Variants in BDKRB2 observed in about 807,000 individuals in gnomAD.
BDKRB2 encodes B2 bradykinin receptor.
Under a neutral mutation model 4.0 loss-of-function variants are expected in BDKRB2, and 6 were observed. That is an observed-to-expected ratio of 1.49 (90% CI 0.81 to 2.93). The LOEUF (loss-of-function observed/expected upper bound fraction) is 2.93. Among genes scored for constraint, BDKRB2 ranks in the 30% most tolerant of loss-of-function variants. The pLI is 0.00. For synonymous variants in BDKRB2, 225 were observed against 215.3 expected (o/e 1.05, Z -0.40); for missense variants, 478 against 520.1 (o/e 0.92, Z 0.79).
In BDKRB2 at chr14:96,204,944, G is replaced by A; in HGVS notation, c.-55G>A. The A allele has an allele frequency of 4.0e-6, 1 of 252,408 alleles. No individual in the cohort carries two copies. The highest frequency in any genetic ancestry group is 8.3e-6 in the Non-Finnish European group (1 of 120,412). The allele number at this position is 252,408 out of a possible 1,614,324, so 15.6% of individuals were successfully genotyped here. On this transcript the variant is annotated 5_prime_UTR_variant, in exon 1 of 3. Coordinates refer to ENST00000554311, the MANE Select transcript of BDKRB2 (RefSeq NM_001379692.1). The stretch of plus-strand genomic sequence containing the variant: ...AGGGAGCGACTGAAGTGCCCATGCC[G>A]CTTGCTCCGGAGAAGGTGGGTGCCG...
chr14:96,242,893 G>T lies in BDKRB2; in HGVS notation c.*1389G>T, dbSNP rs3809418. 1 of 152,348 alleles carries T rather than the reference G, an allele frequency of 6.6e-6. No homozygotes were observed. Among genetic ancestry groups the T allele is most frequent in the African/African-American group, 2.4e-5 (1 of 41,454 alleles). 9.4% of individuals were successfully genotyped at this position (152,348 alleles called of 1,614,324 possible). A position where few individuals can be genotyped will look rare whatever the true frequency, so the allele number is the denominator to read the frequency against. On this transcript the variant is annotated 3_prime_UTR_variant, in exon 3 of 3. Transcript: ENST00000554311. ...CCCTAGAAGAGTGTGAAAAGGAATG[G>T]CAATGGTGTTCACCATCGGCAGTGC...
At position 96,216,678 on chromosome 14, in the gene BDKRB2, A is replaced by AAGG. The variant is rs1163536778; in HGVS notation, c.-40+11733_-40+11735dup. Among the ~76,000 whole-genome samples the AAGG allele has an allele frequency of 2.2e-5, 3 of 136,798 alleles. No homozygotes were observed. The Admixed American group carries it at 2.3e-4, about 10-fold the overall frequency. 89.7% of individuals were successfully genotyped at this position (136,798 alleles called of 152,430 possible). ...AAAGAAGGAGGAGAAGAGGAAGAAG[A>AAGG]AGGAGGAGGAGGAGGAAGGAGGAGG... On this transcript the variant is annotated intron_variant, in intron 1 of 2. Coordinates refer to ENST00000554311, the MANE Select transcript of BDKRB2 (RefSeq NM_001379692.1).
chr14:96,222,278 C>T (rs1308178675), intron 1 of BDKRB2, among the ~76,000 whole-genome samples: 3 of 152,102 alleles, frequency 2.0e-5, no homozygotes, highest in Non-Finnish European at 2.9e-5. Context: ...CACTTCCCTG[C>T]GTTCACCAAC....
intron 1 of BDKRB2, chr14:96,233,522 G>A (rs1890867784): frequency 6.6e-6 from 1 of 152,214 alleles, no homozygotes; most frequent in Non-Finnish European, 1.5e-5. Context: ...CTGCTTCAGG[G>A]AACAATCACA....
intron 2 of BDKRB2, 128 bp from the exon 3 acceptor site, chr14:96,240,275 G>A: frequency 1.5e-6 from 2 of 1,340,822 alleles, no homozygotes; most frequent in Non-Finnish European, 1.9e-6. Context: ...GCAGAAAACA[G>A]CCTGAGCTCC....
chr14:96,204,904 C>G lies in BDKRB2; in HGVS notation c.-95C>G. On this transcript the variant is annotated 5_prime_UTR_variant, in exon 1 of 3. Transcript: ENST00000554311. ...CGGTGGGGACGGTGGGGACATCAGG[C>G]TGCCCCGCAGTACCAGGGAGCGACT... is the stretch of plus-strand genomic sequence containing the variant. 1 of 321,926 alleles carries G rather than the reference C, an allele frequency of 3.1e-6. No homozygotes were observed. The highest frequency in any genetic ancestry group is 6.3e-6 in the Non-Finnish European group (1 of 159,642). 19.9% of individuals were successfully genotyped at this position (321,926 alleles called of 1,614,324 possible). A position where few individuals can be genotyped will look rare whatever the true frequency, so the allele number is the denominator to read the frequency against.
chr14:96,232,834 C>T (rs1409776553), intron 1 of BDKRB2, among the ~76,000 whole-genome samples: 1 of 152,148 alleles, frequency 6.6e-6, no homozygotes, highest in African/African-American at 2.4e-5. Flanking sequence ...CCAGCTCTAA[C>T]GTGCAGTCAG....
At chr14:96,207,201 C>T (rs1257260684) in intron 1 of BDKRB2, among the ~76,000 whole-genome samples, 1 of 152,166 alleles carries the variant, frequency 6.6e-6, no homozygotes, top group African/African-American at 2.4e-5. Context: ...AAGCTGCCTC[C>T]TCTGCACTGA....
chr14:96,213,523 C>CACACACACACGTGT (rs1890351248), intron 1 of BDKRB2, among the ~76,000 whole-genome samples: 1 of 118,138 alleles, frequency 8.5e-6, no homozygotes, highest in Non-Finnish European at 2.1e-5. Context: ...CACACACACA[C>CACACACACACGTGT]ACACACACAC....
At chr14:96,239,698 G>T (rs1044347649) in intron 2 of BDKRB2, 1 of 931,910 alleles carries the variant, frequency 1.1e-6, no homozygotes, top group African/African-American at 1.8e-5. Context: ...TTTTACAGGT[G>T]AGGTCATTGT....
At position 96,242,055 on chromosome 14, in the gene BDKRB2, C is replaced by G. The variant is rs930860415; in HGVS notation, c.*551C>G. On this transcript the variant is annotated 3_prime_UTR_variant, in exon 3 of 3. Coordinates refer to ENST00000554311, the MANE Select transcript of BDKRB2 (RefSeq NM_001379692.1). ...GACCAGGATTTTATGGCTCCCCTCA[C>G]TGATGGACAAGGAGGTCTGTGCCAA... is the stretch of plus-strand genomic sequence containing the variant. The G allele has an allele frequency of 6.5e-6, 1 of 153,040 alleles. No homozygotes were observed. Among genetic ancestry groups the G allele is most frequent in the African/African-American group, 2.4e-5 (1 of 41,478 alleles). 9.5% of individuals were successfully genotyped at this position (153,040 alleles called of 1,614,324 possible).
intron 1 of BDKRB2, among the ~76,000 whole-genome samples, chr14:96,220,138 G>T (rs1025453286): frequency 6.6e-6 from 1 of 151,974 alleles, no homozygotes; most frequent in African/African-American, 2.4e-5. Context: ...CCAGGGAAGC[G>T]CACCCTTGTC....
At chr14:96,237,896 A>T (rs1890975458) in intron 2 of BDKRB2, 1 of 1,277,612 alleles carries the variant, frequency 7.8e-7, no homozygotes, top group Non-Finnish European at 1.0e-6. Context: ...ATTAATAAGC[A>T]GCATCTGGTG....
rs145325976 is a variant in BDKRB2 at position 96,228,643 on chromosome 14, A to G, written c.-39-8426A>G. 3.6e-3 allele frequency among the ~76,000 whole-genome samples: 547 copies of G among 152,280 alleles called. 4 individuals are homozygous for G. The highest frequency in any genetic ancestry group is 0.011 in the African/African-American group (470 of 41,548). The stretch of plus-strand genomic sequence containing the variant: ...TTTTTATGGGTATAGGATGGGGGGC[A>G]TGGTGGGCCAGGGTGGTTTTGGCAA... On this transcript the variant is annotated intron_variant, in intron 1 of 2. Transcript: ENST00000554311.
intron 2 of BDKRB2, chr14:96,239,672 G>GT (rs1286762901): frequency 4.2e-6 from 4 of 947,150 alleles, no homozygotes; most frequent in Non-Finnish European, 5.0e-6. Context: ...CTGAGAGGTA[G>GT]TTTTTTTAAC....
chr14:96,216,702 G>C (rs1313623415), intron 1 of BDKRB2, among the ~76,000 whole-genome samples: 1 of 125,454 alleles, frequency 8.0e-6, no homozygotes, highest in Admixed American at 9.1e-5. Context: ...GGAAGGAGGA[G>C]GAAGGAGGAG....
At chr14:96,211,602 A>G (rs1052101143) in intron 1 of BDKRB2, among the ~76,000 whole-genome samples, 2 of 152,110 alleles carry the variant, frequency 1.3e-5, no homozygotes, top group African/African-American at 4.8e-5. Flanking sequence ...CCTCAAATGA[A>G]CTGTAGCACA....
chr14:96,243,333 G>T lies in BDKRB2; in HGVS notation c.*1829G>T, dbSNP rs200997007. 3.5e-5 allele frequency: 5 copies of T among 144,886 alleles called. No homozygotes were observed. The highest frequency in any genetic ancestry group is 1.3e-4 in the African/African-American group (5 of 38,348). 9.0% of individuals were successfully genotyped at this position (144,886 alleles called of 1,614,324 possible). A position where few individuals can be genotyped will look rare whatever the true frequency, so the allele number is the denominator to read the frequency against. On this transcript the variant is annotated 3_prime_UTR_variant, in exon 3 of 3. Coordinates refer to ENST00000554311, the MANE Select transcript of BDKRB2 (RefSeq NM_001379692.1). ...ACCTGGAGGGCTAGAACCTAGAAGG[G>T]CTAGAACCTGGAGGGCTGGAATCTG... is the stretch of plus-strand genomic sequence containing the variant.
At chr14:96,229,153 T>A (rs768675619) in intron 1 of BDKRB2, among the ~76,000 whole-genome samples, 1 of 152,150 alleles carries the variant, frequency 6.6e-6, no homozygotes, top group Non-Finnish European at 1.5e-5. Context: ...ACCTACTAGG[T>A]GTCAGGCACT....
Sources: allele counts gnomAD v4.1 joint callset (sites outside exome capture counted in the v4.1 genomes callset), GRCh38; gene constraint gnomAD v4.1.1; transcripts MANE v1.5; gene names NCBI Gene and HGNC (gene_info 2026-07-23, HGNC 2026-07-21).